The following AKR1B1 variants were observed in gnomAD, a reference collection of about 807,000 sequenced individuals.
The protein encoded by AKR1B1 is aldo-keto reductase family 1 member B1.
Under a neutral mutation model 40.4 loss-of-function variants are expected in AKR1B1, and 22 were observed. That is an observed-to-expected ratio of 0.54 (90% CI 0.39 to 0.78). The LOEUF is 0.78. Among genes scored for constraint, AKR1B1 ranks in the 30% least tolerant of loss-of-function variants. The probability of loss-of-function intolerance (pLI) is 0.00; values close to 1 mark genes in which losing one functional copy is unlikely to be tolerated. For missense variants in AKR1B1, 357 were observed against 396.7 expected (o/e 0.90, Z 0.85); for synonymous variants, 157 against 149.9 (o/e 1.05, Z -0.35).
chr7:134,448,513 AGCTGATGGGAGCACTGTGGCTACAC>A lies in AKR1B1; in HGVS notation c.553-45_553-21del. The A allele has an allele frequency of 6.4e-7, 1 of 1,572,070 alleles. No homozygotes were observed. The highest frequency in any genetic ancestry group is 8.8e-7 in the Non-Finnish European group (1 of 1,141,958). On this transcript the variant is annotated intron_variant, in intron 5 of 9. Transcript: ENST00000285930. The stretch of plus-strand genomic sequence containing the variant: ...CTCAATCTGCAAATGCAAAAACAAG[AGCTGATGGGAGCACTGTGGCTACAC>A]GCTGATGGGACACAGATGAAGCTTC...
chr7:134,446,545 C>A (rs866325295), intron 8 of AKR1B1, among the ~76,000 whole-genome samples: 1 of 151,894 alleles, frequency 6.6e-6, no homozygotes, highest in Non-Finnish European at 1.5e-5. Flanking sequence ...GCTCTTGGGC[C>A]ATCAGGACTC....
intron 1 of AKR1B1, among the ~76,000 whole-genome samples, chr7:134,457,219 G>A (rs1179877198): frequency 6.6e-6 from 1 of 152,042 alleles, no homozygotes; most frequent in African/African-American, 2.4e-5. Context: ...AGCTTCTGGA[G>A]GTATGACAAT....
intron 1 of AKR1B1, among the ~76,000 whole-genome samples, chr7:134,454,848 C>T (rs1806416293): frequency 6.6e-6 from 1 of 152,204 alleles, no homozygotes; most frequent in South Asian, 2.1e-4. Flanking sequence ...AATTAACTTC[C>T]TCCTGTTCTG....
chr7:134,456,947 A>C (rs1806489198), intron 1 of AKR1B1, among the ~76,000 whole-genome samples: 1 of 152,130 alleles, frequency 6.6e-6, no homozygotes, highest in South Asian at 2.1e-4. Flanking sequence ...CTCAGCCTGG[A>C]CAACATAGGG....
Position 134,451,567 on chromosome 7 carries a change from C to A in AKR1B1, c.234+19G>T, listed in dbSNP as rs1806287746. On this transcript the variant is annotated intron_variant, in intron 2 of 9. Coordinates refer to ENST00000285930, the MANE Select transcript of AKR1B1 (RefSeq NM_001628.4). ...TGATGGGACCGAGAGCCCCTTCCAG[C>A]CCCACCGCGGAACGATACCTTGCTG... The A allele has an allele frequency of 6.2e-7, 1 of 1,613,028 alleles. No homozygotes were observed. The highest frequency in any genetic ancestry group is 2.2e-5 in the East Asian group (1 of 44,862).
At chr7:134,452,810 T>C (rs1806330567) in intron 1 of AKR1B1, among the ~76,000 whole-genome samples, 1 of 152,174 alleles carries the variant, frequency 6.6e-6, no homozygotes, top group South Asian at 2.1e-4. Context: ...CAACAGGCTT[T>C]GGGGAAGAAA....
chr7:134,457,475 T>C (rs1376170962), intron 1 of AKR1B1, among the ~76,000 whole-genome samples: 1 of 152,176 alleles, frequency 6.6e-6, no homozygotes, highest in African/African-American at 2.4e-5. Flanking sequence ...CCACTGGAGT[T>C]TTTGGAGGAA....
chr7:134,448,575 T>G (rs1806181194), intron 5 of AKR1B1, 82 bp from the exon 6 acceptor site: 1 of 1,050,098 alleles, frequency 9.5e-7, no homozygotes, highest in Non-Finnish European at 1.5e-6. Flanking sequence ...TATGCTAAAG[T>G]CCCTCCCTAC....
chr7:134,454,096 T>C lies in AKR1B1; in HGVS notation c.67-2343A>G, dbSNP rs116631145. Among the ~76,000 whole-genome samples, 411 of 152,322 alleles carry C rather than the reference T, an allele frequency of 2.7e-3. 4 individuals carry two copies. Among genetic ancestry groups the C allele is most frequent in the African/African-American group, 9.4e-3 (389 of 41,568 alleles). On this transcript the variant is annotated intron_variant, in intron 1 of 9. Coordinates refer to ENST00000285930, the MANE Select transcript of AKR1B1 (RefSeq NM_001628.4). ...CCATTACTGATGAGAGCTGTAGAAA[T>C]GCAGTATATGAAACACTCCAATTAC... is the stretch of plus-strand genomic sequence containing the variant.
At chr7:134,456,955 G>A (rs1806489519) in intron 1 of AKR1B1, among the ~76,000 whole-genome samples, 1 of 152,118 alleles carries the variant, frequency 6.6e-6, no homozygotes, top group Admixed American at 6.5e-5. Context: ...GGACAACATA[G>A]GGAAACCTGT....
chr7:134,448,967 G>A, intron 5 of AKR1B1, 30 bp downstream of exon 5: 1 of 1,613,766 alleles, frequency 6.2e-7, no homozygotes, highest in African/African-American at 1.3e-5. Context: ...CAGCAACGTT[G>A]CAATGCCAGT....
rs1397523674 is a variant in AKR1B1, at chr7:134,459,077, C to T, written c.-15G>A. ...CGGCTTGCCATGGCTGCTGCGCTCCCCAGACCCCCGCCCAGTACGGTGCGG... is the reference window on the plus strand; with the variant it reads ...CGGCTTGCCATGGCTGCTGCGCTCCTCAGACCCCCGCCCAGTACGGTGCGG... On this transcript the variant is annotated 5_prime_UTR_variant, in exon 1 of 10. Transcript: ENST00000285930. The T allele has an allele frequency of 3.8e-6, 6 of 1,598,310 alleles. No homozygotes were observed. The highest frequency in any genetic ancestry group is 2.3e-5 in the South Asian group (2 of 87,964).
chr7:134,446,875 G>T (rs971906370), intron 8 of AKR1B1, among the ~76,000 whole-genome samples: 2 of 152,210 alleles, frequency 1.3e-5, no homozygotes, highest in African/African-American at 4.8e-5. Context: ...CTTAATCTTC[G>T]TAACAACCCT....
At chr7:134,458,886 G>A (rs757408611) in intron 1 of AKR1B1, 111 bp downstream of exon 1, 11 of 1,292,188 alleles carry the variant, frequency 8.5e-6, no homozygotes, top group Admixed American at 2.0e-5. Flanking sequence ...CTCCCAGCAC[G>A]CCGGGCGTCC....
Position 134,458,921 on chromosome 7 carries a change from T to G in AKR1B1, c.66+76A>C. ...CGCGGGGCGAGCTGCTCAGGGTCAC[T>G]CGGGGTCCCTCGCCAATACAGGCCG... On this transcript the variant is annotated intron_variant, in intron 1 of 9. Coordinates refer to ENST00000285930, the MANE Select transcript of AKR1B1 (RefSeq NM_001628.4). 2.9e-5 allele frequency: 44 copies of G among 1,498,062 alleles called. No homozygotes were observed. In the South Asian group the frequency reaches 5.3e-4, roughly 18 times the overall value. The allele number at this position is 1,498,062 out of a possible 1,614,324, so 92.8% of individuals were successfully genotyped here. A position where few individuals can be genotyped will look rare whatever the true frequency, so the allele number is the denominator to read the frequency against.
At position 134,450,834 on chromosome 7, in the gene AKR1B1, C is replaced by T. The variant is rs773668747; in HGVS notation, c.303G>A (p.Lys101=). The T allele has an allele frequency of 1.5e-5, 25 of 1,614,102 alleles. No homozygotes were observed. The highest frequency in any genetic ancestry group is 1.2e-4 in the Admixed American group (7 of 60,008). ...GACQKTLSDL[K]LDYLDLYLIH... ...TAAGGTAGAGGTCCAGGTAGTCCAG[C>T]TTCAGGTCGCTGAGTGTCTTCTGGC... is the stretch of plus-strand genomic sequence containing the variant. Residue 101 remains lysine (K), a synonymous_variant, in exon 3 of 10, where the codon AAG becomes AAA. Coordinates refer to ENST00000285930, the MANE Select transcript of AKR1B1 (RefSeq NM_001628.4).
In AKR1B1 at chr7:134,442,696, G is replaced by A. The variant is rs1430325719; in HGVS notation, c.*32C>T. ...AAATGAGGCAAGAAACACAGGTATA[G>A]GTCACTTGGGGACGAGCAGGCAACC... On this transcript the variant is annotated 3_prime_UTR_variant, in exon 10 of 10. Transcript: ENST00000285930. The A allele has an allele frequency of 1.9e-6, 3 of 1,610,784 alleles. No individual in the cohort carries two copies. Among genetic ancestry groups the A allele is most frequent in the Non-Finnish European group, 2.5e-6 (3 of 1,177,170 alleles).
intron 3 of AKR1B1, 139 bp from the exon 4 acceptor site, chr7:134,449,936 A>C: frequency 1.3e-6 from 1 of 760,824 alleles, no homozygotes; most frequent in Non-Finnish European, 2.3e-6. Context: ...TATGAAAAGG[A>C]AATAGGCAGA....
intron 9 of AKR1B1, chr7:134,444,612 A>G (rs1050141795): frequency 1.9e-5 from 3 of 158,632 alleles, no homozygotes; most frequent in African/African-American, 7.2e-5. Flanking sequence ...CCTTCTTGAA[A>G]GCAGAAAGTG....
Sources: gnomAD v4.1 joint callset for allele counts (sites outside exome capture counted in the v4.1 genomes callset) on GRCh38, gnomAD v4.1.1 for gene constraint, MANE v1.5 for transcripts, NCBI Gene and HGNC (gene_info 2026-07-23, HGNC 2026-07-21) for gene names.